The following MCM3AP variants were observed in gnomAD, a reference collection of about 807,000 sequenced individuals.
MCM3AP encodes minichromosome maintenance complex component 3 associated protein.
MCM3AP carries 126 observed loss-of-function variants against 184.1 expected under a neutral mutation model. The ratio of observed to expected loss-of-function variants is 0.68; its 90% CI spans 0.59 to 0.79. MCM3AP has a LOEUF of 0.79. Ranked by LOEUF, MCM3AP falls within the 30% of genes least tolerant of loss-of-function variation. The pLI is 0.00. For synonymous variants in MCM3AP, 1,002 were observed against 979.3 expected (o/e 1.02, Z -0.43); for missense variants, 2,496 against 2,479.2 (o/e 1.01, Z -0.14).
intron 2 of MCM3AP, among the ~76,000 whole-genome samples, chr21:46,281,509 C>T (rs13050387): frequency 0.41 from 63,035 of 151,968 alleles, 13,553 homozygotes; most frequent in Admixed American, 0.48. Context: ...CACATTGCAA[C>T]AGGCAAAAAA....
intron 5 of MCM3AP, among the ~76,000 whole-genome samples, chr21:46,277,262 CT>C (rs758730153): frequency 6.6e-6 from 1 of 152,194 alleles, no homozygotes. Flanking sequence ...ATCCCGCTCC[CT>C]CTACAGACAG....
intron 4 of MCM3AP, among the ~76,000 whole-genome samples, chr21:46,279,786 A>G (rs1306258949): frequency 6.6e-6 from 1 of 151,710 alleles, no homozygotes; most frequent in Non-Finnish European, 1.5e-5. Context: ...TCTGGCTGGG[A>G]CCACCAGCCC....
At chr21:46,277,206 G>A (rs2081267102) in intron 5 of MCM3AP, among the ~76,000 whole-genome samples, 1 of 152,174 alleles carries the variant, frequency 6.6e-6, no homozygotes, top group Non-Finnish European at 1.5e-5. Context: ...GTGTAAGAAT[G>A]CCCTGTCCAA....
At chr21:46,251,881 C>CTGTTTTTTTT (rs2080876082) in intron 19 of MCM3AP, 199 bp from the exon 20 acceptor site, 1 of 125,222 alleles carries the variant, frequency 8.0e-6, no homozygotes, top group Non-Finnish European at 1.5e-5. Flanking sequence ...TGTACTCGTT[C>CTGTTTTTTTT]TTTTTTTTTT....
chr21:46,265,366 C>A lies in MCM3AP; in HGVS notation c.3189G>T (p.Gln1063His). Residue 1063 changes from glutamine (Q) to histidine (H), a missense_variant, in exon 12 of 28, where the codon CAG becomes CAT. Coordinates refer to ENST00000291688, the MANE Select transcript of MCM3AP (RefSeq NM_003906.5). ...VAPSLFQLSV[Q>H]PEPPPPEPVP... The stretch of plus-strand genomic sequence containing the variant: ...CGGGCTCTGGAGGCGGTGGTTCAGG[C>A]TGCACAGACAGCTGGAAGAGGCTGG... 1 of 1,614,028 alleles carries A rather than the reference C, an allele frequency of 6.2e-7. No individual in the cohort carries two copies. Among genetic ancestry groups the A allele is most frequent in the South Asian group, 1.1e-5 (1 of 91,080 alleles).
intron 25 of MCM3AP, chr21:46,241,222 G>T: frequency 1.7e-6 from 1 of 578,040 alleles, no homozygotes; most frequent in Non-Finnish European, 3.1e-6. Context: ...AAGAGGGAAG[G>T]CAGCCCCTGC....
chr21:46,244,805 AC>A lies in MCM3AP; in HGVS notation c.5038+1del. ...CCAGACCTCCCCAGGTCAAGCACGT[AC>A]CCCCCAGGGGTGGAAGGTCCATCTG... On this transcript the variant is annotated splice_donor_variant, in intron 23 of 27. Coordinates refer to ENST00000291688, the MANE Select transcript of MCM3AP (RefSeq NM_003906.5). LOFTEE classifies it high-confidence loss of function. 6.2e-6 allele frequency: 10 copies of A among 1,607,236 alleles called. No individual in the cohort carries two copies. Among genetic ancestry groups the A allele is most frequent in the African/African-American group, 1.3e-5 (1 of 74,802 alleles).
rs1307797700 is a variant in MCM3AP, at chr21:46,267,058, C to T, written c.2713G>A (p.Val905Met). The T allele has an allele frequency of 1.2e-6, 2 of 1,614,206 alleles. No homozygotes were observed. ...RSTIFPLDGV[V>M]RMLLFRDCEE... is the part of the protein sequence containing the mutation. ...CAGTCTCTGAACAGCAGCATGCGCA[C>T]CACACCATCCAGGGGAAAGATGGTA... Residue 905 changes from valine (V) to methionine (M), a missense_variant, in exon 10 of 28, where the codon GTG (valine) becomes ATG (methionine). Physicochemically the swap from Val to Met is conservative, Grantham distance 21. This residue lies in a region of MCM3AP where 138 missense variants were observed against 191.9 expected (regional missense o/e 0.72). Transcript: ENST00000291688.
chr21:46,265,458 G>T lies in MCM3AP; in HGVS notation c.3097C>A (p.Leu1033Ile). Reference protein sequence around the residue: ...DAPLSSLPQSLPAPAPSPVPL... With the variant: ...DAPLSSLPQSIPAPAPSPVPL... ...ACTGGTGAGGGCGCAGGGGCTGGTAGAGACTGTGGGAGACTGGACAGGGGT... is the reference window on the plus strand; with the variant it reads ...ACTGGTGAGGGCGCAGGGGCTGGTATAGACTGTGGGAGACTGGACAGGGGT... The change falls in exon 12 of 28, where the codon CTA (leucine) becomes ATA (isoleucine). Residue 1033 changes from leucine (L) to isoleucine (I), a missense_variant. Physicochemically the swap from Leu to Ile is conservative, Grantham distance 5. This residue lies in a region of MCM3AP where 1,323 missense variants were observed against 1,273.4 expected (regional missense o/e 1.04). Coordinates refer to ENST00000291688, the MANE Select transcript of MCM3AP (RefSeq NM_003906.5). 6.2e-7 allele frequency: 1 copy of T among 1,613,792 alleles called. No individual in the cohort carries two copies. The highest frequency in any genetic ancestry group is 8.5e-7 in the Non-Finnish European group (1 of 1,179,830).
intron 23 of MCM3AP, 103 bp from the exon 24 acceptor site, chr21:46,243,825 T>A: frequency 8.1e-7 from 1 of 1,234,118 alleles, no homozygotes; most frequent in South Asian, 1.5e-5. Context: ...AGTTGAGAAG[T>A]CTGCTTTCTA....
At chr21:46,264,413 C>T (rs751375856) in intron 12 of MCM3AP, among the ~76,000 whole-genome samples, 196 bp from the exon 13 acceptor site, 1 of 152,184 alleles carries the variant, frequency 6.6e-6, no homozygotes, top group Non-Finnish European at 1.5e-5. Context: ...AGGCGCCCTG[C>T]GGATGGCCAC....
At chr21:46,241,171 A>G in intron 25 of MCM3AP, 154 bp from the exon 26 acceptor site, 2 of 633,908 alleles carry the variant, frequency 3.2e-6, no homozygotes, top group Non-Finnish European at 5.5e-6. Flanking sequence ...TGCTGGCCCC[A>G]TGCCTGCTTC....
Position 46,258,737 on chromosome 21 carries a change from A to ATG in MCM3AP, c.3734+200_3734+201dup, listed in dbSNP as rs55695472. ...CTCCTGACTTTTCCCCTTATATTGT[A>ATG]TGTGTGTGTGTGTGTGTGTGTAATC... On this transcript the variant is annotated intron_variant, in intron 16 of 27. Transcript: ENST00000291688. 1.7e-3 allele frequency among the ~76,000 whole-genome samples: 258 copies of ATG among 150,200 alleles called. 1 individual carries two copies. Among genetic ancestry groups the ATG allele is most frequent in the East Asian group, 0.012 (59 of 5,098 alleles).
chr21:46,242,905 A>G lies in MCM3AP; in HGVS notation c.5323T>C (p.Cys1775Arg), dbSNP rs770902304. 1.6e-5 allele frequency: 26 copies of G among 1,612,902 alleles called. No homozygotes were observed. Among genetic ancestry groups the G allele is most frequent in the Non-Finnish European group, 2.1e-5 (25 of 1,179,554 alleles). The change falls in exon 25 of 28, where the codon TGT (cysteine) becomes CGT (arginine). Residue 1775 changes from cysteine (C) to arginine (R), a missense_variant. Coordinates refer to ENST00000291688, the MANE Select transcript of MCM3AP (RefSeq NM_003906.5). ...AAATCGTTTTTAAAAAAATACACAC[A>G]TATCTGACCATCTTCACTCAGCGCC... is the stretch of plus-strand genomic sequence containing the variant. Reference protein sequence around the residue: ...SEALSEDGQICVYFFKNDLKK... With the variant: ...SEALSEDGQIRVYFFKNDLKK...
At chr21:46,270,759 G>A (rs187154617) in intron 8 of MCM3AP, among the ~76,000 whole-genome samples, 196 bp from the exon 9 acceptor site, 4 of 152,226 alleles carry the variant, frequency 2.6e-5, no homozygotes, top group Admixed American at 2.0e-4. Context: ...AGCTGTGATC[G>A]CATCACTGTA....
intron 26 of MCM3AP, 77 bp downstream of exon 26, chr21:46,240,734 A>G (rs1423763651): frequency 3.8e-6 from 5 of 1,310,942 alleles, no homozygotes; most frequent in Non-Finnish European, 5.3e-6. Flanking sequence ...GTCTTATATT[A>G]ATCAAGCAAT....
At position 46,258,966 on chromosome 21, in the gene MCM3AP, A is replaced by G. The variant is rs765697625; in HGVS notation, c.3707T>C (p.Leu1236Pro). The G allele has an allele frequency of 5.6e-6, 9 of 1,614,122 alleles. No homozygotes were observed. Among genetic ancestry groups the G allele is most frequent in the Non-Finnish European group, 7.6e-6 (9 of 1,180,018 alleles). ...FQTAKETLQELQCFCKYLQRW... is the reference protein window; with the variant it reads ...FQTAKETLQEPQCFCKYLQRW... ...CTGTAGATACTTGCAGAAGCACTGA[A>G]GCTCCTGGAGGGTCTCCTTTGCAGT... The change falls in exon 16 of 28, where the codon CTT becomes CCT. Residue 1236 changes from leucine to proline, a missense_variant. Physicochemically the swap from Leu to Pro is moderately conservative, Grantham distance 98. Coordinates refer to ENST00000291688, the MANE Select transcript of MCM3AP (RefSeq NM_003906.5).
intron 26 of MCM3AP, among the ~76,000 whole-genome samples, chr21:46,240,183 G>A (rs2080632534): frequency 6.6e-6 from 1 of 152,106 alleles, no homozygotes; most frequent in Non-Finnish European, 1.5e-5. Flanking sequence ...TCCCAGCCCA[G>A]GGAAGGGCTG....
At chr21:46,271,924 T>C (rs1013819439) in intron 8 of MCM3AP, among the ~76,000 whole-genome samples, 1 of 151,914 alleles carries the variant, frequency 6.6e-6, no homozygotes, top group Non-Finnish European at 1.5e-5. Flanking sequence ...CACACAGTTC[T>C]TGAGGAAAAT....
Sources: gnomAD v4.1 joint callset for allele counts (sites outside exome capture counted in the v4.1 genomes callset) on GRCh38, gnomAD v4.1.1 for gene constraint, gnomAD v4.1.1 regional missense constraint, MANE v1.5 for transcripts, NCBI Gene and HGNC (gene_info 2026-07-23, HGNC 2026-07-21) for gene names.